MAGI1: variants seen among roughly 807,000 people sequenced by gnomAD.
MAGI1 encodes the protein membrane-associated guanylate kinase, WW and PDZ domain-containing protein 1.
MAGI1 carries 58 observed loss-of-function variants against 139.9 expected under a neutral mutation model. The observed-to-expected ratio is 0.41, with a 90% confidence interval of 0.34 to 0.52. The LOEUF (loss-of-function observed/expected upper bound fraction) is 0.52. Ranked by LOEUF, MAGI1 falls within the 20% of genes least tolerant of loss-of-function variation. MAGI1 has a pLI of 0.12. For missense variants in MAGI1, 1,874 were observed against 1,901.6 expected, an observed-to-expected ratio of 0.99 and a Z score of 0.27; for synonymous variants, 812 against 737.9, an observed-to-expected ratio of 1.10 and a Z score of -1.63.
At chr3:65,704,506 T>C (rs1165913725) in intron 1 of MAGI1, among the ~76,000 whole-genome samples, 2 of 152,188 alleles carry the variant, frequency 1.3e-5, no homozygotes, top group East Asian at 3.9e-4. Context: ...GCCCTCGATC[T>C]TCTCTGTTCC....
intron 1 of MAGI1, among the ~76,000 whole-genome samples, chr3:65,746,370 CAAG>C (rs1414360041): frequency 6.6e-6 from 1 of 152,086 alleles, no homozygotes; most frequent in Non-Finnish European, 1.5e-5. Flanking sequence ...TTCCCTGATT[CAAG>C]ACTAATTTGA....
At chr3:65,779,929 T>C (rs1049923832) in intron 1 of MAGI1, among the ~76,000 whole-genome samples, 1 of 150,714 alleles carries the variant, frequency 6.6e-6, no homozygotes, top group Non-Finnish European at 1.5e-5. Flanking sequence ...GAAAAAAAAA[T>C]GACACTTGTA....
At position 65,502,497 on chromosome 3, in the gene MAGI1, C is replaced by T. The variant is rs540509267; in HGVS notation, c.431-8866G>A. Among the ~76,000 whole-genome samples the T allele has an allele frequency of 2.0e-5, 3 of 152,286 alleles. No individual in the cohort carries two copies. In the East Asian group the frequency reaches 5.8e-4, roughly 29 times the overall value. ...TTGAGACAGGCATTTTGACACACAC[C>T]TGGAGTCCCAGCTACAAGGGAAGCT... is the stretch of plus-strand genomic sequence containing the variant. On this transcript the variant is annotated intron_variant, in intron 2 of 22. Coordinates refer to ENST00000402939, the MANE Select transcript of MAGI1 (RefSeq NM_001033057.2).
intron 1 of MAGI1, among the ~76,000 whole-genome samples, chr3:65,829,982 A>G (rs2042438014): frequency 1.3e-5 from 2 of 152,332 alleles, no homozygotes; most frequent in South Asian, 4.1e-4. Context: ...AAACTGTTTT[A>G]TTAGTCACAA....
intron 1 of MAGI1, among the ~76,000 whole-genome samples, chr3:65,759,167 G>T (rs1185277444): frequency 1.3e-5 from 2 of 151,464 alleles, no homozygotes; most frequent in East Asian, 1.9e-4. Flanking sequence ...GGAGAGCAAG[G>T]AATCGGATCA....
chr3:65,628,776 C>A (rs1311859171), intron 1 of MAGI1, among the ~76,000 whole-genome samples: 2 of 152,110 alleles, frequency 1.3e-5, no homozygotes, highest in Non-Finnish European at 2.9e-5. Context: ...AAATGTTTCC[C>A]AATCTACTAA....
At chr3:65,493,247 G>A (rs183596796) in intron 3 of MAGI1, among the ~76,000 whole-genome samples, 10 of 152,010 alleles carry the variant, frequency 6.6e-5, no homozygotes, top group East Asian at 3.9e-4. Flanking sequence ...GCACATGTCC[G>A]TATTAAAAAC....
intron 2 of MAGI1, among the ~76,000 whole-genome samples, chr3:65,596,546 C>T (rs1204243175): frequency 6.6e-6 from 1 of 152,070 alleles, no homozygotes; most frequent in Non-Finnish European, 1.5e-5. Flanking sequence ...CCATACATAC[C>T]CTCAAATAAT....
intron 2 of MAGI1, among the ~76,000 whole-genome samples, chr3:65,520,774 C>A (rs2078114210): frequency 6.6e-6 from 1 of 152,180 alleles, no homozygotes; most frequent in Non-Finnish European, 1.5e-5. Flanking sequence ...TATGCATCAA[C>A]AGTGTTTATT....
At chr3:65,728,356 C>T (rs1314582747) in intron 1 of MAGI1, among the ~76,000 whole-genome samples, 4 of 152,116 alleles carry the variant, frequency 2.6e-5, no homozygotes, top group South Asian at 4.1e-4. Flanking sequence ...AGACAGACCA[C>T]GTGGGATCAT....
chr3:65,717,176 A>T (rs563910711), intron 1 of MAGI1, among the ~76,000 whole-genome samples: 39 of 152,354 alleles, frequency 2.6e-4, no homozygotes, highest in African/African-American at 9.4e-4. Flanking sequence ...TCTAAAAGAC[A>T]GTGAAAGAAA....
At chr3:65,377,006 T>A (rs1017199928) in intron 17 of MAGI1, among the ~76,000 whole-genome samples, 1 of 152,220 alleles carries the variant, frequency 6.6e-6, no homozygotes, top group African/African-American at 2.4e-5. Flanking sequence ...TCACCTACTT[T>A]GAGAATTTGT....
At chr3:65,500,262 T>G (rs939962206) in intron 2 of MAGI1, among the ~76,000 whole-genome samples, 2 of 152,182 alleles carry the variant, frequency 1.3e-5, no homozygotes, top group African/African-American at 4.8e-5. Flanking sequence ...TTTAAGTATT[T>G]AAGTACCTCC....
intron 1 of MAGI1, among the ~76,000 whole-genome samples, chr3:65,779,383 C>T (rs535668203): frequency 3.9e-5 from 6 of 152,266 alleles, no homozygotes; most frequent in Admixed American, 1.3e-4. Flanking sequence ...TAAGAAGGGC[C>T]GGGAGGGGAC....
At chr3:65,812,224 T>G (rs185509625) in intron 1 of MAGI1, among the ~76,000 whole-genome samples, 1 of 152,172 alleles carries the variant, frequency 6.6e-6, no homozygotes, top group Admixed American at 6.5e-5. Flanking sequence ...TGACTAATCT[T>G]ATCACATTCC....
At chr3:65,909,112 C>T (rs1575982963) in intron 1 of MAGI1, among the ~76,000 whole-genome samples, 2 of 152,266 alleles carry the variant, frequency 1.3e-5, no homozygotes, top group South Asian at 4.1e-4. Flanking sequence ...GAAGCCTTTG[C>T]TCACAGTGCC....
intron 18 of MAGI1, among the ~76,000 whole-genome samples, chr3:65,365,839 T>C (rs1422132277): frequency 2.6e-5 from 4 of 152,182 alleles, no homozygotes; most frequent in Non-Finnish European, 5.9e-5. Flanking sequence ...CATTTAACTA[T>C]TATATGGGAA....
chr3:65,898,074 G>A (rs2061057849), intron 1 of MAGI1, among the ~76,000 whole-genome samples: 1 of 152,104 alleles, frequency 6.6e-6, no homozygotes, highest in African/African-American at 2.4e-5. Flanking sequence ...TCTCTCTGTA[G>A]GACACTTAAG....
intron 1 of MAGI1, among the ~76,000 whole-genome samples, chr3:65,800,983 G>A (rs867224663): frequency 6.6e-6 from 1 of 152,178 alleles, no homozygotes; most frequent in South Asian, 2.1e-4. Context: ...TGAATCAGGT[G>A]CTCACAGGCA....
Sources: allele counts gnomAD v4.1 joint callset (sites outside exome capture counted in the v4.1 genomes callset), GRCh38; gene constraint gnomAD v4.1.1; transcripts MANE v1.5; gene names NCBI Gene and HGNC (gene_info 2026-07-23, HGNC 2026-07-21).